KIF26B: variants seen among roughly 807,000 people sequenced by gnomAD.
KIF26B encodes kinesin family member 26B.
In KIF26B, 63 loss-of-function variants were observed where a neutral mutation model predicts 151.2. The observed-to-expected ratio is 0.42, with a 90% confidence interval of 0.34 to 0.51. The LOEUF (loss-of-function observed/expected upper bound fraction) is 0.51. Among genes scored for constraint, KIF26B ranks in the 20% least tolerant of loss-of-function variants. The pLI is 0.07. For synonymous variants in KIF26B, 1,357 were observed against 1,262.1 expected, an observed-to-expected ratio of 1.08 and a Z score of -1.59; for missense variants, 2,813 against 2,913.6, an observed-to-expected ratio of 0.97 and a Z score of 0.79.
At chr1:245,499,662 C>A (rs1660581427) in intron 4 of KIF26B, among the ~76,000 whole-genome samples, 1 of 152,178 alleles carries the variant, frequency 6.6e-6, no homozygotes. Context: ...GACAGAGAGG[C>A]AAAGTGAGCA....
Position 245,698,965 on chromosome 1 carries a change from G to T in KIF26B, c.6106G>T (p.Glu2036Ter), listed in dbSNP as rs200981354. 1 of 1,614,052 alleles carries T rather than the reference G, an allele frequency of 6.2e-7. No homozygotes were observed. Among genetic ancestry groups the T allele is most frequent in the Non-Finnish European group, 8.5e-7 (1 of 1,179,902 alleles). Residue 2036 changes from glutamate to a stop codon, truncating the protein, a stop_gained, in exon 14 of 15, where the codon GAG (glutamate) becomes TAG (stop). Transcript: ENST00000407071. LOFTEE classifies it high-confidence loss of function. The surrounding 1 kb of genome is among the most constrained non-coding windows in gnomAD (Gnocchi z 4.0). The part of the protein sequence containing the change: ...QRIAEVRAKY[E>*]WLMKELEATK... ...GATCGCCGAGGTCCGCGCGAAGTAC[G>T]AGTGGCTGATGAAGGAGCTGGAGGC...
rs376676166 is a variant in KIF26B at position 245,419,679 on chromosome 1, C to T, written c.1100C>T (p.Ser367Leu). 102 of 1,613,734 alleles carry T rather than the reference C, an allele frequency of 6.3e-5. No homozygotes were observed. In the Middle Eastern group the frequency reaches 1.6e-3, roughly 26 times the overall value. ...DKPSACSVPA[S>L]QGSCVASETS... ...CCTTCCGCCTGCAGTGTCCCAGCCT[C>T]GCAGGGCTCCTGCGTGGCCAGCGAG... Residue 367 changes from serine to leucine, a missense_variant, in exon 4 of 15, where the codon TCG becomes TTG. This residue lies in a region of KIF26B where 676 missense variants were observed against 688.1 expected (regional missense o/e 0.98). Coordinates refer to ENST00000407071, the MANE Select transcript of KIF26B (RefSeq NM_018012.4).
At chr1:245,532,389 G>A (rs1042230388) in intron 4 of KIF26B, among the ~76,000 whole-genome samples, 2 of 151,824 alleles carry the variant, frequency 1.3e-5, no homozygotes. Flanking sequence ...GGGACTACAG[G>A]CGCCCGCCAC....
rs530015261 is a variant in KIF26B, at chr1:245,197,814, C to T, written c.465+41131C>T. On this transcript the variant is annotated intron_variant, in intron 2 of 14. Coordinates refer to ENST00000407071, the MANE Select transcript of KIF26B (RefSeq NM_018012.4). ...AAGTAAATGATGTTCACCATATAGACGACAACTAGGCACAGTTTCACCACC... is the reference window on the plus strand; with the variant it reads ...AAGTAAATGATGTTCACCATATAGATGACAACTAGGCACAGTTTCACCACC... Among the ~76,000 whole-genome samples the T allele has an allele frequency of 1.5e-4, 23 of 152,256 alleles. No homozygotes were observed. The South Asian group carries it at 1.9e-3, about 12-fold the overall frequency.
rs1241404211 is a variant in KIF26B, at chr1:245,669,187, T to C, written c.2259-15046T>C. 3.9e-5 allele frequency among the ~76,000 whole-genome samples: 6 copies of C among 152,316 alleles called. No homozygotes were observed. The East Asian group carries it at 1.2e-3, about 29-fold the overall frequency. On this transcript the variant is annotated intron_variant, in intron 10 of 14. Transcript: ENST00000407071. The stretch of plus-strand genomic sequence containing the variant: ...CTGGTTAGCAGTCTAATAAGGATCA[T>C]ATTGGACAAGTATCTTTAACACAAA...
intron 4 of KIF26B, among the ~76,000 whole-genome samples, chr1:245,463,331 G>C (rs1311659311): frequency 6.6e-6 from 1 of 152,190 alleles, no homozygotes; most frequent in Non-Finnish European, 1.5e-5. Context: ...AGATCTCATG[G>C]CTAAGAAGTG....
At chr1:245,240,114 C>G (rs2941286) in intron 2 of KIF26B, among the ~76,000 whole-genome samples, 80,188 of 151,820 alleles carry the variant, frequency 0.53, 23,383 homozygotes, top group Non-Finnish European at 0.65. Flanking sequence ...AGGTTGCAGT[C>G]AGCCGAGATC....
intron 2 of KIF26B, among the ~76,000 whole-genome samples, chr1:245,288,503 G>A (rs909974738): frequency 6.6e-6 from 1 of 152,190 alleles, no homozygotes; most frequent in Non-Finnish European, 1.5e-5. Context: ...GGTGGCACTC[G>A]TGTGGAAGAA....
intron 2 of KIF26B, among the ~76,000 whole-genome samples, chr1:245,310,667 C>G (rs1671648436): frequency 6.6e-6 from 1 of 152,198 alleles, no homozygotes; most frequent in Admixed American, 6.5e-5. Context: ...GCTTTGCTCT[C>G]TGAAGGCAGG....
chr1:245,360,714 C>T (rs1002011965), intron 2 of KIF26B, among the ~76,000 whole-genome samples: 1 of 152,046 alleles, frequency 6.6e-6, no homozygotes, highest in Admixed American at 6.6e-5. Flanking sequence ...AAAGATGAGA[C>T]CTGGACATAA....
chr1:245,261,701 C>G (rs76805431), intron 2 of KIF26B, among the ~76,000 whole-genome samples: 11,577 of 151,990 alleles, frequency 0.076, 582 homozygotes, highest in Middle Eastern at 0.12. Flanking sequence ...CCTCCCACCT[C>G]AGCCTCTCTA....
At chr1:245,631,666 T>C (rs1426615456) in intron 9 of KIF26B, among the ~76,000 whole-genome samples, 2 of 152,198 alleles carry the variant, frequency 1.3e-5, no homozygotes, top group African/African-American at 4.8e-5. Flanking sequence ...TTGAGAAGAA[T>C]TGGTTTTACT....
intron 2 of KIF26B, among the ~76,000 whole-genome samples, chr1:245,333,804 C>T (rs541912376): frequency 6.6e-6 from 1 of 152,268 alleles, no homozygotes; most frequent in African/African-American, 2.4e-5. Flanking sequence ...TTGAGACCAG[C>T]CTGGCCAACA....
At chr1:245,684,988 G>A (rs935526962) in intron 11 of KIF26B, among the ~76,000 whole-genome samples, 5 of 152,254 alleles carry the variant, frequency 3.3e-5, no homozygotes, top group East Asian at 1.9e-4. Flanking sequence ...CATCATGATC[G>A]TGGCCACTCA....
chr1:245,496,070 G>A (rs1660509121), intron 4 of KIF26B, among the ~76,000 whole-genome samples: 1 of 152,134 alleles, frequency 6.6e-6, no homozygotes, highest in African/African-American at 2.4e-5. Flanking sequence ...ATACTAAAAG[G>A]AAGTATACGG....
intron 5 of KIF26B, among the ~76,000 whole-genome samples, chr1:245,576,383 T>G (rs1340966184): frequency 6.6e-6 from 1 of 152,178 alleles, no homozygotes; most frequent in Non-Finnish European, 1.5e-5. Context: ...TGTAATCATA[T>G]TTGCTATCAG....
At chr1:245,420,915 A>G (rs1658471107) in intron 4 of KIF26B, among the ~76,000 whole-genome samples, 1 of 152,216 alleles carries the variant, frequency 6.6e-6, no homozygotes, top group African/African-American at 2.4e-5. Flanking sequence ...ACCCTGGATG[A>G]TGGGACCCTA....
At chr1:245,341,147 T>G (rs748105677) in intron 2 of KIF26B, among the ~76,000 whole-genome samples, 1 of 152,126 alleles carries the variant, frequency 6.6e-6, no homozygotes, top group African/African-American at 2.4e-5. Context: ...ACCCATTCAG[T>G]GCTCCAGAGT....
At position 245,698,925 on chromosome 1, in the gene KIF26B, A is replaced by C; in HGVS notation, c.6066A>C (p.Glu2022Asp). 1 of 1,614,006 alleles carries C rather than the reference A, an allele frequency of 6.2e-7. No homozygotes were observed. Among genetic ancestry groups the C allele is most frequent in the Non-Finnish European group, 8.5e-7 (1 of 1,179,896 alleles). ...TCAATGCAAAGCTGAAGATTCTGGA[A>C]CACCGCCAGCAGAGGATCGCCGAGG... is the stretch of plus-strand genomic sequence containing the variant. ...MCFNAKLKIL[E>D]HRQQRIAEVR... The change falls in exon 14 of 15, where the codon GAA becomes GAC. Residue 2022 changes from glutamate to aspartate, a missense_variant. Glu to Asp is a conservative substitution (Grantham distance 45, BLOSUM62 2). Transcript: ENST00000407071. The surrounding 1 kb of genome is among the most constrained non-coding windows in gnomAD (Gnocchi z 4.0).
Sources: gnomAD v4.1 joint callset for allele counts (sites outside exome capture counted in the v4.1 genomes callset) on GRCh38, gnomAD v4.1.1 for gene constraint, gnomAD v4.1.1 regional missense constraint, Gnocchi (gnomAD v3.1) non-coding constraint, MANE v1.5 for transcripts, NCBI Gene and HGNC (gene_info 2026-07-23, HGNC 2026-07-21) for gene names.